CNTN3: variants seen among roughly 807,000 people sequenced by gnomAD.
CNTN3 encodes contactin 3.
A neutral mutation model predicts 119.1 loss-of-function variants in CNTN3; 60 were observed. That is an observed-to-expected ratio of 0.50 (90% CI 0.41 to 0.62). The LOEUF is 0.62. Ranked by LOEUF, CNTN3 falls within the 20% of genes least tolerant of loss-of-function variation. The pLI is 0.00. For synonymous variants in CNTN3, 450 were observed against 438.7 expected (o/e 1.03, Z -0.32); for missense variants, 1,101 against 1,242.4 (o/e 0.89, Z 1.71).
chr3:74,410,522 G>C (rs1701420881), intron 5 of CNTN3, among the ~76,000 whole-genome samples: 1 of 152,082 alleles, frequency 6.6e-6, no homozygotes, highest in Non-Finnish European at 1.5e-5. Context: ...GAATCCTGGG[G>C]GATGTTAGTG....
intron 4 of CNTN3, among the ~76,000 whole-genome samples, chr3:74,451,407 G>T (rs530250961): frequency 6.6e-6 from 1 of 152,188 alleles, no homozygotes; most frequent in Non-Finnish European, 1.5e-5. Flanking sequence ...GTAGATTCTG[G>T]ATATTAGCCC....
intron 13 of CNTN3, among the ~76,000 whole-genome samples, chr3:74,315,337 G>A (rs1200493167): frequency 1.3e-5 from 2 of 152,126 alleles, no homozygotes; most frequent in African/African-American, 4.8e-5. Flanking sequence ...TGCCTATGGA[G>A]TAGCCATTCT....
chr3:74,571,373 G>A (rs1204349658), intron 1 of CNTN3, among the ~76,000 whole-genome samples: 2 of 152,150 alleles, frequency 1.3e-5, no homozygotes, highest in African/African-American at 4.8e-5. Flanking sequence ...GGATTGGCCT[G>A]GGATGCAGCC....
In CNTN3 at chr3:74,346,052, G is replaced by A. The variant is rs191177782; in HGVS notation, c.1365-9394C>T. Among the ~76,000 whole-genome samples, 7 of 152,124 alleles carry A rather than the reference G, an allele frequency of 4.6e-5. No homozygotes were observed. The East Asian group carries it at 1.4e-3, about 29-fold the overall frequency. On this transcript the variant is annotated intron_variant, in intron 11 of 22. Transcript: ENST00000263665. ...CACTTTGTGTATTATTTGATAAACT[G>A]TCTCCAATTCTTTGTGAAATACGAC...
intron 3 of CNTN3, among the ~76,000 whole-genome samples, chr3:74,495,703 T>C (rs745959568): frequency 9.2e-5 from 14 of 152,036 alleles, no homozygotes; most frequent in Non-Finnish European, 1.8e-4. Context: ...TTAAATGCAT[T>C]CAGTTGACTA....
chr3:74,577,436 A>G (rs1207833940), intron 1 of CNTN3, among the ~76,000 whole-genome samples: 1 of 152,150 alleles, frequency 6.6e-6, no homozygotes, highest in Non-Finnish European at 1.5e-5. Context: ...GTGGGGGGGA[A>G]AAAGAATTAG....
At chr3:74,535,320 G>A (rs1458071651) in intron 1 of CNTN3, among the ~76,000 whole-genome samples, 1 of 152,018 alleles carries the variant, frequency 6.6e-6, no homozygotes, top group Non-Finnish European at 1.5e-5. Flanking sequence ...CTAAATTGGG[G>A]CAAACTGTGA....
At chr3:74,605,939 T>C (rs75771384) in intron 1 of CNTN3, among the ~76,000 whole-genome samples, 2,300 of 152,280 alleles carry the variant, frequency 0.015, 51 homozygotes, top group African/African-American at 0.051. Context: ...AAACAGTCTA[T>C]TATAGGCCTG....
At chr3:74,278,475 T>C (rs1274495222) in intron 20 of CNTN3, among the ~76,000 whole-genome samples, 2 of 152,044 alleles carry the variant, frequency 1.3e-5, no homozygotes, top group Non-Finnish European at 2.9e-5. Context: ...CCAACTGATC[T>C]CCAACAAAGG....
chr3:74,569,216 T>A (rs1423968396), intron 1 of CNTN3, among the ~76,000 whole-genome samples: 1 of 152,162 alleles, frequency 6.6e-6, no homozygotes, highest in Admixed American at 6.5e-5. Context: ...AGGCCTGCCC[T>A]CATATTACCA....
At chr3:74,349,297 TG>T (rs1253231072) in intron 11 of CNTN3, among the ~76,000 whole-genome samples, 1 of 152,134 alleles carries the variant, frequency 6.6e-6, no homozygotes, top group Non-Finnish European at 1.5e-5. Flanking sequence ...TAATACACTG[TG>T]TTAAATGATA....
intron 1 of CNTN3, among the ~76,000 whole-genome samples, chr3:74,614,147 C>G (rs1030836043): frequency 6.6e-6 from 1 of 152,216 alleles, no homozygotes; most frequent in Admixed American, 6.5e-5. Flanking sequence ...CAATTTTCAG[C>G]GCTCCAGCTG....
intron 5 of CNTN3, among the ~76,000 whole-genome samples, chr3:74,398,085 A>G (rs1481014655): frequency 6.6e-6 from 1 of 152,238 alleles, no homozygotes; most frequent in African/African-American, 2.4e-5. Context: ...GACATGACAC[A>G]AAAGGATTTA....
intron 13 of CNTN3, among the ~76,000 whole-genome samples, chr3:74,332,152 G>T (rs140563190): frequency 6.8e-4 from 103 of 152,284 alleles, no homozygotes; most frequent in African/African-American, 2.4e-3. Context: ...TTGGAAACGG[G>T]ATATATCTAT....
At chr3:74,388,008 G>A (rs1704797238) in intron 5 of CNTN3, among the ~76,000 whole-genome samples, 1 of 152,124 alleles carries the variant, frequency 6.6e-6, no homozygotes, top group South Asian at 2.1e-4. Flanking sequence ...AGGTTAAAGG[G>A]GAAATGTTTA....
intron 13 of CNTN3, among the ~76,000 whole-genome samples, chr3:74,333,780 G>GTA (rs1232585505): frequency 6.6e-6 from 1 of 152,146 alleles, no homozygotes; most frequent in Non-Finnish European, 1.5e-5. Context: ...ACATGCCGAT[G>GTA]TATACAAATA....
chr3:74,410,336 A>C (rs975437224), intron 5 of CNTN3, among the ~76,000 whole-genome samples: 4 of 152,184 alleles, frequency 2.6e-5, no homozygotes, highest in African/African-American at 9.7e-5. Flanking sequence ...GAAAACCCAT[A>C]TAGATTTCAT....
chr3:74,607,292 C>T (rs1282345124), intron 1 of CNTN3, among the ~76,000 whole-genome samples: 4 of 152,092 alleles, frequency 2.6e-5, no homozygotes, highest in African/African-American at 4.8e-5. Flanking sequence ...TTCAGGGAGG[C>T]GGCCAGACCA....
chr3:74,411,367 C>T (rs952520530), intron 5 of CNTN3, among the ~76,000 whole-genome samples: 6 of 152,074 alleles, frequency 3.9e-5, no homozygotes, highest in East Asian at 1.9e-4. Context: ...GCTAGGTCAG[C>T]GCTTCCTGAA....
Sources: allele counts gnomAD v4.1 joint callset (sites outside exome capture counted in the v4.1 genomes callset), GRCh38; gene constraint gnomAD v4.1.1; transcripts MANE v1.5; gene names NCBI Gene and HGNC (gene_info 2026-07-23, HGNC 2026-07-21).